The following ZHX2 variants were observed in gnomAD, a reference collection of about 807,000 sequenced individuals.
ZHX2 encodes the protein zinc fingers and homeoboxes protein 2.
A neutral mutation model predicts 21.9 loss-of-function variants in ZHX2; 6 were observed. The ratio of observed to expected loss-of-function variants is 0.27; its 90% CI spans 0.15 to 0.54. The LOEUF is 0.54. Among genes scored for constraint, ZHX2 ranks in the 20% least tolerant of loss-of-function variants. The pLI is 0.95. For synonymous variants in ZHX2, 434 were observed against 437.1 expected (o/e 0.99, Z 0.09); for missense variants, 908 against 1,090.7 (o/e 0.83, Z 2.36).
intron 1 of ZHX2, among the ~76,000 whole-genome samples, chr8:122,786,965 C>G (rs1031428030): frequency 4.6e-5 from 7 of 151,914 alleles, no homozygotes; most frequent in African/African-American, 1.7e-4. Context: ...ATTCCCCTCC[C>G]CCACCCTTCT....
At chr8:122,918,871 C>CT (rs1820667212) in intron 2 of ZHX2, among the ~76,000 whole-genome samples, 1 of 151,246 alleles carries the variant, frequency 6.6e-6, no homozygotes, top group Admixed American at 6.6e-5. Context: ...TTGCTTGAAC[C>CT]TGGGAGATGG....
intron 1 of ZHX2, among the ~76,000 whole-genome samples, chr8:122,838,071 A>T (rs184332920): frequency 6.6e-6 from 1 of 152,202 alleles, no homozygotes; most frequent in Non-Finnish European, 1.5e-5. Flanking sequence ...TGCATTTCTA[A>T]TAAGAGCCCC....
chr8:122,866,088 C>A (rs1216303528), intron 2 of ZHX2, among the ~76,000 whole-genome samples: 2 of 152,184 alleles, frequency 1.3e-5, no homozygotes, highest in African/African-American at 2.4e-5. Flanking sequence ...ATGGGGACAC[C>A]CTTACTATCC....
intron 3 of ZHX2, among the ~76,000 whole-genome samples, chr8:122,966,377 G>T (rs1469155617): frequency 6.6e-6 from 1 of 152,118 alleles, no homozygotes; most frequent in Non-Finnish European, 1.5e-5. Context: ...GTATTTGTTT[G>T]TCTGAAAAAG....
chr8:122,808,595 T>C (rs1337214676), intron 1 of ZHX2: 1 of 152,214 alleles, frequency 6.6e-6, no homozygotes, highest in Non-Finnish European at 1.5e-5. Flanking sequence ...CAAGTTGAGA[T>C]TTGGGTGGGG....
intron 2 of ZHX2, among the ~76,000 whole-genome samples, chr8:122,915,641 C>A (rs1366497684): frequency 6.6e-6 from 1 of 152,150 alleles, no homozygotes; most frequent in Non-Finnish European, 1.5e-5. Flanking sequence ...TTAATAGGAC[C>A]ACATCCAGGC....
intron 2 of ZHX2, among the ~76,000 whole-genome samples, chr8:122,923,083 A>G (rs1158253030): frequency 6.6e-6 from 1 of 152,228 alleles, no homozygotes; most frequent in Admixed American, 6.5e-5. Flanking sequence ...GTCAAAGTCT[A>G]GATAGAGGGA....
chr8:122,787,300 C>G (rs1169987973), intron 1 of ZHX2, among the ~76,000 whole-genome samples: 4 of 152,174 alleles, frequency 2.6e-5, no homozygotes, highest in African/African-American at 4.8e-5. Flanking sequence ...CTTTCTCTCC[C>G]CCTTACTCCC....
At chr8:122,837,564 G>A (rs1818531133) in intron 1 of ZHX2, among the ~76,000 whole-genome samples, 1 of 152,182 alleles carries the variant, frequency 6.6e-6, no homozygotes, top group Non-Finnish European at 1.5e-5. Flanking sequence ...TCTAGTCAGG[G>A]TGTAATTCGG....
At chr8:122,948,938 G>T (rs554933702) in intron 2 of ZHX2, among the ~76,000 whole-genome samples, 87 of 152,258 alleles carry the variant, frequency 5.7e-4, no homozygotes, top group South Asian at 2.3e-3. Flanking sequence ...AATGAAAGAG[G>T]CTACAAGAGA....
intron 2 of ZHX2, among the ~76,000 whole-genome samples, chr8:122,882,985 AAAAC>A (rs763320522): frequency 2.0e-5 from 3 of 151,996 alleles, no homozygotes; most frequent in Non-Finnish European, 2.9e-5. Context: ...CTGTCCCCAA[AAAAC>A]AAACAAACAA....
intron 1 of ZHX2, among the ~76,000 whole-genome samples, chr8:122,837,532 T>G (rs1261333086): frequency 6.6e-6 from 1 of 152,202 alleles, no homozygotes; most frequent in East Asian, 1.9e-4. Context: ...ACTGGTGACT[T>G]CATTTGCATC....
At chr8:122,934,622 C>T (rs1812628645) in intron 2 of ZHX2, among the ~76,000 whole-genome samples, 1 of 144,062 alleles carries the variant, frequency 6.9e-6, no homozygotes, top group Non-Finnish European at 1.5e-5. Context: ...TTCCTTCCTT[C>T]TTTCCTTCCT....
chr8:122,953,267 G>A lies in ZHX2; in HGVS notation c.1757G>A (p.Ser586Asn), dbSNP rs777228267. ...TCGGAGAGGCGGAAGCTTCGAGACA[G>A]CATGGAACAAGCTGTCTTGGATTCC... ...WFSERRKLRD[S>N]MEQAVLDSMG... The change falls in exon 3 of 4, where the codon AGC becomes AAC. Residue 586 changes from serine to asparagine, a missense_variant. Physicochemically the swap from Ser to Asn is conservative, Grantham distance 46. Coordinates refer to ENST00000314393, the MANE Select transcript of ZHX2 (RefSeq NM_014943.5). This position sits in a 1 kb window ranked among gnomAD's most constrained non-coding sequence, Gnocchi z 4.6. 1 of 1,614,102 alleles carries A rather than the reference G, an allele frequency of 6.2e-7. No homozygotes were observed. The highest frequency in any genetic ancestry group is 8.5e-7 in the Non-Finnish European group (1 of 1,180,020).
chr8:122,941,076 A>T (rs1210973546), intron 2 of ZHX2, among the ~76,000 whole-genome samples: 1 of 151,864 alleles, frequency 6.6e-6, no homozygotes, highest in Non-Finnish European at 1.5e-5. Flanking sequence ...ATTAAAAAAA[A>T]AAAAAAAAAA....
chr8:122,936,229 G>A (rs950130085), intron 2 of ZHX2, among the ~76,000 whole-genome samples: 1 of 152,206 alleles, frequency 6.6e-6, no homozygotes, highest in African/African-American at 2.4e-5. Flanking sequence ...TTGCAGGGAG[G>A]TGTTGAAGAC....
chr8:122,949,664 C>G (rs1294447776), intron 2 of ZHX2, among the ~76,000 whole-genome samples: 16 of 152,024 alleles, frequency 1.1e-4, no homozygotes, highest in Non-Finnish European at 8.8e-5. Context: ...GACAACATGG[C>G]AAAACCCCTG....
chr8:122,836,775 C>G (rs1190109078), intron 1 of ZHX2, among the ~76,000 whole-genome samples: 1 of 152,260 alleles, frequency 6.6e-6, no homozygotes, highest in African/African-American at 2.4e-5. Flanking sequence ...CTGGCCCACA[C>G]TGCTGGCGCA....
At position 122,829,871 on chromosome 8, in the gene ZHX2, A is replaced by G. The variant is rs150915035; in HGVS notation, c.-282-33606A>G. Among the ~76,000 whole-genome samples, 977 of 152,348 alleles carry G rather than the reference A, an allele frequency of 6.4e-3. 6 individuals are homozygous for G. The highest frequency in any genetic ancestry group is 0.014 in the Middle Eastern group (4 of 292). On this transcript the variant is annotated intron_variant, in intron 1 of 3. Coordinates refer to ENST00000314393, the MANE Select transcript of ZHX2 (RefSeq NM_014943.5). ...TCCCTCAACTGGTGGAAGGAATGGC[A>G]TAGGCAGATTGTGAAGTGGAGCCCT... is the stretch of plus-strand genomic sequence containing the variant.
Sources: gnomAD v4.1 joint callset for allele counts (sites outside exome capture counted in the v4.1 genomes callset) on GRCh38, gnomAD v4.1.1 for gene constraint, Gnocchi (gnomAD v3.1) non-coding constraint, MANE v1.5 for transcripts, NCBI Gene and HGNC (gene_info 2026-07-23, HGNC 2026-07-21) for gene names.